The following PCDH19 variants were observed in gnomAD, a reference collection of about 807,000 sequenced individuals.
PCDH19 encodes the protein protocadherin-19.
PCDH19 carries 6 observed loss-of-function variants against 46.2 expected under a neutral mutation model. That is an observed-to-expected ratio of 0.13 (90% CI 0.07 to 0.26). The LOEUF is 0.26. Ranked by LOEUF, PCDH19 falls within the 10% of genes least tolerant of loss-of-function variation. The pLI is 1.00. For missense variants in PCDH19, 740 were observed against 972.3 expected, an observed-to-expected ratio of 0.76 and a Z score of 3.18; for synonymous variants, 481 against 415.7, an observed-to-expected ratio of 1.16 and a Z score of -1.91.
chrX:100,373,100 C>T (rs1293088943), intron 3 of PCDH19, among the ~76,000 whole-genome samples: 3 of 112,631 alleles, frequency 2.7e-5, no homozygotes, highest in East Asian at 2.8e-4. Flanking sequence ...CCTCCGCCTC[C>T]GGGGTTCAAG....
intron 5 of PCDH19, among the ~76,000 whole-genome samples, chrX:100,322,865 A>ATATATATATATATTTTTTTTTT: frequency 4.8e-4 from 26 of 54,374 alleles, no homozygotes; most frequent in African/African-American, 1.9e-3. Context: ...ATATATATAT[A>ATATATATATATATTTTTTTTTT]TTTTTGCAGC....
At chrX:100,403,777 A>G in intron 1 of PCDH19, 113 bp from the exon 2 acceptor site, 1 of 601,335 alleles carries the variant, frequency 1.7e-6, no homozygotes, top group Non-Finnish European at 2.5e-6. Flanking sequence ...TAACACTGAC[A>G]CAGACCCAGC....
intron 5 of PCDH19, among the ~76,000 whole-genome samples, chrX:100,334,900 AAC>A (rs199528306): frequency 0.015 from 1,605 of 110,077 alleles, 27 homozygotes; most frequent in African/African-American, 0.05. Flanking sequence ...AATATGCTAT[AAC>A]ACAATATGTT....
chrX:100,314,061 T>C (rs1400515505), intron 5 of PCDH19, among the ~76,000 whole-genome samples: 1 of 112,001 alleles, frequency 8.9e-6, no homozygotes, highest in African/African-American at 3.2e-5. Flanking sequence ...GTTTATATTT[T>C]TAACACCCTG....
chrX:100,368,497 T>A (rs2147506747), intron 3 of PCDH19, among the ~76,000 whole-genome samples: 1 of 111,586 alleles, frequency 9.0e-6, no homozygotes, highest in African/African-American at 3.2e-5. Context: ...GATGTGGATT[T>A]TATGCTTGTT....
At chrX:100,326,349 T>G (rs1307177295) in intron 5 of PCDH19, among the ~76,000 whole-genome samples, 1 of 112,273 alleles carries the variant, frequency 8.9e-6, no homozygotes, top group Non-Finnish European at 1.9e-5. Context: ...CAGTCCATTG[T>G]TAGAAAAAAA....
At chrX:100,309,662 A>C (rs1925070535) in intron 5 of PCDH19, among the ~76,000 whole-genome samples, 2 of 111,693 alleles carry the variant, frequency 1.8e-5, no homozygotes, top group South Asian at 7.6e-4. Context: ...ATGGGGTTAA[A>C]AACACTAGAA....
chrX:100,361,135 G>C (rs1355521935), intron 3 of PCDH19, among the ~76,000 whole-genome samples: 1 of 112,108 alleles, frequency 8.9e-6, no homozygotes, highest in Non-Finnish European at 1.9e-5. Context: ...AACTGCCAGA[G>C]TATTAGAAAT....
intron 5 of PCDH19, among the ~76,000 whole-genome samples, chrX:100,335,642 C>A (rs746575868): frequency 8.9e-6 from 1 of 111,831 alleles, no homozygotes; most frequent in Admixed American, 9.5e-5. Flanking sequence ...TTCATTTCAT[C>A]ATTGAGCTGG....
At chrX:100,328,972 G>T (rs921009028) in intron 5 of PCDH19, among the ~76,000 whole-genome samples, 3 of 111,771 alleles carry the variant, frequency 2.7e-5, no homozygotes, top group African/African-American at 9.8e-5. Flanking sequence ...TGGTTAGTTG[G>T]AATGGTGGTT....
At chrX:100,335,261 G>A (rs1926049347) in intron 5 of PCDH19, among the ~76,000 whole-genome samples, 1 of 111,531 alleles carries the variant, frequency 9.0e-6, no homozygotes, top group Non-Finnish European at 1.9e-5. Context: ...TGCTGAGACT[G>A]AGAGAAAGGA....
intron 5 of PCDH19, among the ~76,000 whole-genome samples, chrX:100,313,093 T>C (rs1225302206): frequency 8.9e-6 from 1 of 111,802 alleles, no homozygotes; most frequent in Non-Finnish European, 1.9e-5. Flanking sequence ...AATCAAAAAA[T>C]CACTGAAAAC....
At chrX:100,363,886 T>TGAGAGA (rs1555980305) in intron 3 of PCDH19, among the ~76,000 whole-genome samples, 2 of 98,044 alleles carry the variant, frequency 2.0e-5, no homozygotes, top group Non-Finnish European at 4.1e-5. Flanking sequence ...TGTGTGTGTG[T>TGAGAGA]GAGAGAGAGG....
In PCDH19 at chrX:100,406,721, G is replaced by A. The variant is rs201764553; in HGVS notation, c.1877C>T (p.Thr626Ile). The A allele has an allele frequency of 1.2e-4, 146 of 1,210,133 alleles. No individual in the cohort carries two copies. The highest frequency in any genetic ancestry group is 1.6e-4 in the Non-Finnish European group (141 of 895,276). The change falls in exon 1 of 6, where the codon ACC (threonine) becomes ATC (isoleucine). Residue 626 changes from threonine (T) to isoleucine (I), a missense_variant. Coordinates refer to ENST00000373034, the MANE Select transcript of PCDH19 (RefSeq NM_001184880.2). Reference sequence around the variant, plus strand: ...GGAGCTCTCCCCGAAGGTGCGGGTGGTTCTGACTTCGCCATTGACCTGGTC... The same window carrying A: ...GGAGCTCTCCCCGAAGGTGCGGGTGATTCTGACTTCGCCATTGACCTGGTC... ...EIDQVNGEVR[T>I]TRTFGESSKS...
intron 3 of PCDH19, among the ~76,000 whole-genome samples, chrX:100,379,240 T>C (rs1264481311): frequency 9.1e-6 from 1 of 109,364 alleles, no homozygotes. Context: ...TGCTTTGCTA[T>C]TGGCAAAACG....
chrX:100,337,120 C>T (rs926958699), intron 5 of PCDH19, among the ~76,000 whole-genome samples: 1 of 111,324 alleles, frequency 9.0e-6, no homozygotes, highest in Non-Finnish European at 1.9e-5. Context: ...GTCAATCACT[C>T]TTTTTAGAGA....
chrX:100,407,990 T>A lies in PCDH19; in HGVS notation c.608A>T (p.His203Leu). The A allele has an allele frequency of 8.3e-7, 1 of 1,208,200 alleles. No homozygotes were observed. Among genetic ancestry groups the A allele is most frequent in the Non-Finnish European group, 1.1e-6 (1 of 895,497 alleles). ...TAGCGCAGTGATTCGGAAGCTGTAG[T>A]GCGACTGCGTCTCGCGGTCCAGGCT... is the stretch of plus-strand genomic sequence containing the variant. The part of the protein sequence containing the change: ...EKSLDRETQS[H>L]YSFRITALDG... Residue 203 changes from histidine to leucine, a missense_variant, in exon 1 of 6, where the codon CAC becomes CTC. By Grantham distance (99) the His-to-Leu change is moderately conservative. Around this residue, in one of 5 missense-constraint regions of PCDH19, gnomAD observed 48 missense variants for 43.2 expected, o/e 1.11. Coordinates refer to ENST00000373034, the MANE Select transcript of PCDH19 (RefSeq NM_001184880.2).
chrX:100,383,917 G>A (rs983023151), intron 3 of PCDH19, among the ~76,000 whole-genome samples: 1 of 111,843 alleles, frequency 8.9e-6, no homozygotes, highest in African/African-American at 3.2e-5. Context: ...AAAGGGCCTA[G>A]TCTCTATAAA....
intron 3 of PCDH19, among the ~76,000 whole-genome samples, chrX:100,362,347 G>A (rs1926911634): frequency 9.0e-6 from 1 of 111,472 alleles, no homozygotes; most frequent in African/African-American, 3.3e-5. Context: ...TAAACCAGTA[G>A]AAACAGGTGT....
Sources: allele counts gnomAD v4.1 joint callset (sites outside exome capture counted in the v4.1 genomes callset), GRCh38; gene constraint gnomAD v4.1.1; regional missense constraint gnomAD v4.1.1; transcripts MANE v1.5; gene names NCBI Gene and HGNC (gene_info 2026-07-23, HGNC 2026-07-21).